Variants in CEP112 observed in about 807,000 individuals in gnomAD.
The protein encoded by CEP112 is centrosomal protein of 112 kDa.
CEP112 carries 127 observed loss-of-function variants against 153.0 expected under a neutral mutation model. The ratio of observed to expected loss-of-function variants is 0.83; its 90% CI spans 0.72 to 0.96. The LOEUF is 0.96. Among genes scored for constraint, CEP112 ranks in the 40% least tolerant of loss-of-function variants. The probability of loss-of-function intolerance (pLI) is 0.00; values close to 1 mark genes in which losing one functional copy is unlikely to be tolerated. For missense variants in CEP112, 1,089 were observed against 1,101.2 expected (o/e 0.99, Z 0.16); for synonymous variants, 358 against 374.4 (o/e 0.96, Z 0.51).
intron 18 of CEP112, among the ~76,000 whole-genome samples, chr17:65,955,142 C>T (rs1223312960): frequency 4.6e-5 from 7 of 152,132 alleles, no homozygotes; most frequent in Admixed American, 4.6e-4. Flanking sequence ...GAAAGGTAAA[C>T]CTATCAAATT....
At chr17:65,982,523 T>G (rs1291913625) in intron 17 of CEP112, among the ~76,000 whole-genome samples, 1 of 152,198 alleles carries the variant, frequency 6.6e-6, no homozygotes, top group Non-Finnish European at 1.5e-5. Context: ...AAAAACATAT[T>G]TTTATCAAGT....
At chr17:66,144,782 T>C (rs1016596820) in intron 4 of CEP112, among the ~76,000 whole-genome samples, 3 of 152,260 alleles carry the variant, frequency 2.0e-5, no homozygotes, top group African/African-American at 7.2e-5. Context: ...CATGTGTTTA[T>C]GGACATTTAG....
chr17:66,047,400 A>G (rs1014691695), intron 12 of CEP112, among the ~76,000 whole-genome samples: 2 of 152,248 alleles, frequency 1.3e-5, no homozygotes, highest in African/African-American at 2.4e-5. Flanking sequence ...TACAGGCGAA[A>G]GCCACTGCAC....
At chr17:66,055,600 G>A (rs1204435263) in intron 11 of CEP112, among the ~76,000 whole-genome samples, 2 of 152,092 alleles carry the variant, frequency 1.3e-5, no homozygotes, top group Middle Eastern at 3.4e-3. Flanking sequence ...TCATGTTTAA[G>A]GTCTCCCAAA....
intron 19 of CEP112, among the ~76,000 whole-genome samples, chr17:65,907,501 A>G (rs2143720801): frequency 6.6e-6 from 1 of 152,218 alleles, no homozygotes; most frequent in South Asian, 2.1e-4. Context: ...AATAAGGAGG[A>G]TAATTTTCAA....
chr17:65,714,154 C>T (rs1567903676), intron 23 of CEP112, among the ~76,000 whole-genome samples: 1 of 152,112 alleles, frequency 6.6e-6, no homozygotes, highest in Non-Finnish European at 1.5e-5. Context: ...GAGCTCCAAG[C>T]ATCATCTCTC....
chr17:65,706,058 G>A (rs2048897817), intron 23 of CEP112, among the ~76,000 whole-genome samples: 1 of 152,164 alleles, frequency 6.6e-6, no homozygotes, highest in South Asian at 2.1e-4. Context: ...TACTGAAGGT[G>A]GGTGACAAGC....
chr17:65,822,097 A>G (rs114267341), intron 21 of CEP112, among the ~76,000 whole-genome samples: 3,016 of 152,074 alleles, frequency 0.02, 80 homozygotes, highest in African/African-American at 0.068. Flanking sequence ...AAATATTTCT[A>G]TATCATTTTA....
At chr17:66,107,318 C>T (rs1182970550) in intron 6 of CEP112, among the ~76,000 whole-genome samples, 2 of 151,910 alleles carry the variant, frequency 1.3e-5, no homozygotes, top group Admixed American at 6.6e-5. Flanking sequence ...GGAAGAAATA[C>T]AGGGCATGCA....
rs748057689 is a variant in CEP112 at position 66,175,127 on chromosome 17, T to C, written c.387A>G (p.Thr129=). ...ATGATTCATTTAATTTGTGTTCACT[T>C]GTCTCCAGCTCACCCAGTACCCAGG... ...LPAWVLGELE[T]SEHKLNESWK... Residue 129 remains threonine (T), a synonymous_variant, in exon 4 of 27, where the codon ACA becomes ACG. Coordinates refer to ENST00000535342, the MANE Select transcript of CEP112 (RefSeq NM_001199165.4). 2 of 1,613,648 alleles carry C rather than the reference T, an allele frequency of 1.2e-6. No individual in the cohort carries two copies. Among genetic ancestry groups the C allele is most frequent in the South Asian group, 2.2e-5 (2 of 90,988 alleles).
At chr17:65,985,717 T>C (rs937007726) in intron 17 of CEP112, among the ~76,000 whole-genome samples, 3 of 152,168 alleles carry the variant, frequency 2.0e-5, no homozygotes, top group African/African-American at 7.2e-5. Context: ...CAGTCTTTGA[T>C]TCACTTATTA....
At chr17:66,186,625 C>A (rs760059949) in intron 1 of CEP112, among the ~76,000 whole-genome samples, 6 of 152,144 alleles carry the variant, frequency 3.9e-5, no homozygotes, top group Non-Finnish European at 7.3e-5. Context: ...TCTTATTCCA[C>A]TAGATCTTTC....
intron 18 of CEP112, among the ~76,000 whole-genome samples, chr17:65,949,291 C>T (rs2061742759): frequency 6.6e-6 from 1 of 152,166 alleles, no homozygotes; most frequent in Non-Finnish European, 1.5e-5. Context: ...ACCAAAGGTG[C>T]TTTCTTTATT....
intron 21 of CEP112, among the ~76,000 whole-genome samples, chr17:65,771,679 T>G (rs1159134039): frequency 6.6e-6 from 1 of 152,086 alleles, no homozygotes; most frequent in Admixed American, 6.6e-5. Context: ...TATCTTAATT[T>G]TTGTAAAGTA....
At chr17:65,986,200 A>G (rs1346447251) in intron 17 of CEP112, among the ~76,000 whole-genome samples, 1 of 152,176 alleles carries the variant, frequency 6.6e-6, no homozygotes, top group Non-Finnish European at 1.5e-5. Flanking sequence ...TCGCAAGAAC[A>G]GTAATAACTC....
At chr17:65,810,697 T>A (rs890349329) in intron 21 of CEP112, among the ~76,000 whole-genome samples, 9 of 151,938 alleles carry the variant, frequency 5.9e-5, no homozygotes, top group Non-Finnish European at 8.8e-5. Context: ...CTTTAACATA[T>A]TATTTCATAT....
chr17:66,099,834 TC>T (rs1415167565), intron 6 of CEP112, among the ~76,000 whole-genome samples: 1 of 152,174 alleles, frequency 6.6e-6, no homozygotes, highest in Non-Finnish European at 1.5e-5. Flanking sequence ...AATACAGGCT[TC>T]CTTTTGATTC....
At chr17:66,108,911 C>T (rs187020856) in intron 6 of CEP112, among the ~76,000 whole-genome samples, 120 of 152,198 alleles carry the variant, frequency 7.9e-4, no homozygotes, top group Non-Finnish European at 1.3e-3. Flanking sequence ...GTTACTTACA[C>T]GTAATGCAGT....
intron 7 of CEP112, 115 bp from the exon 8 acceptor site, chr17:66,096,443 A>G: frequency 8.6e-7 from 1 of 1,162,888 alleles, no homozygotes. Flanking sequence ...ACACTGCAGG[A>G]AAAAATCACT....
Sources: allele counts gnomAD v4.1 joint callset (sites outside exome capture counted in the v4.1 genomes callset), GRCh38; gene constraint gnomAD v4.1.1; transcripts MANE v1.5; gene names NCBI Gene and HGNC (gene_info 2026-07-23, HGNC 2026-07-21).